Variants in PRPSAP2 observed in about 807,000 individuals in gnomAD.
PRPSAP2 encodes phosphoribosyl pyrophosphate synthetase associated protein 2.
A neutral mutation model predicts 40.6 loss-of-function variants in PRPSAP2; 24 were observed. The observed-to-expected ratio is 0.59, with a 90% CI of 0.43 to 0.83. PRPSAP2 has a LOEUF of 0.83. Among genes scored for constraint, PRPSAP2 ranks in the 40% least tolerant of loss-of-function variants. The probability of loss-of-function intolerance (pLI) is 0.00; values close to 1 mark genes in which losing one functional copy is unlikely to be tolerated. For synonymous variants in PRPSAP2, 149 were observed against 164.7 expected (o/e 0.90, Z 0.73); for missense variants, 292 against 465.6 (o/e 0.63, Z 3.43).
intron 8 of PRPSAP2, among the ~76,000 whole-genome samples, chr17:18,901,306 C>T (rs1262519902): frequency 6.6e-6 from 1 of 152,070 alleles, no homozygotes; most frequent in Non-Finnish European, 1.5e-5. Flanking sequence ...AAGGAATGCC[C>T]AAGGAAGCCA....
chr17:18,876,805 G>A (rs1273475611), intron 5 of PRPSAP2, among the ~76,000 whole-genome samples: 1 of 152,176 alleles, frequency 6.6e-6, no homozygotes, highest in East Asian at 1.9e-4. Flanking sequence ...CAGGTGACTA[G>A]GTGGGGAGAA....
intron 9 of PRPSAP2, 110 bp from the exon 10 acceptor site, chr17:18,923,804 C>T (rs1219948326): frequency 3.0e-6 from 3 of 986,472 alleles, no homozygotes; most frequent in Non-Finnish European, 4.4e-6. Flanking sequence ...AGGAAATTCC[C>T]TTGTATTCCT....
chr17:18,889,482 G>C (rs984890576), intron 7 of PRPSAP2, among the ~76,000 whole-genome samples: 1 of 152,150 alleles, frequency 6.6e-6, no homozygotes, highest in African/African-American at 2.4e-5. Flanking sequence ...CTTGTATTCA[G>C]ATTGAATTGG....
At position 18,911,756 on chromosome 17, in the gene PRPSAP2, A is replaced by G. The variant is rs781745743; in HGVS notation, c.733+505A>G. Among the ~76,000 whole-genome samples the G allele has an allele frequency of 2.0e-5, 3 of 152,264 alleles. No individual in the cohort carries two copies. The highest frequency in any genetic ancestry group is 7.2e-5 in the African/African-American group (3 of 41,468). On this transcript the variant is annotated intron_variant, in intron 9 of 11. Transcript: ENST00000268835. The surrounding 1 kb of genome is among the most constrained non-coding windows in gnomAD (Gnocchi z 4.5). ...ATGGAATATATATGAACAAGGCAGA[A>G]TATAAGATTGTATACCTATTTGTCT...
intron 5 of PRPSAP2, among the ~76,000 whole-genome samples, chr17:18,874,999 T>C (rs2038170384): frequency 6.6e-6 from 1 of 152,200 alleles, no homozygotes; most frequent in African/African-American, 2.4e-5. Flanking sequence ...AATTTAGGAC[T>C]TCAGAAGGGT....
At chr17:18,916,916 A>G (rs2041351468) in intron 9 of PRPSAP2, among the ~76,000 whole-genome samples, 1 of 152,198 alleles carries the variant, frequency 6.6e-6, no homozygotes, top group Admixed American at 6.5e-5. Context: ...CAAAGGCCCC[A>G]CTGTTAATAC....
chr17:18,894,047 A>G (rs1273730236), intron 8 of PRPSAP2, among the ~76,000 whole-genome samples: 1 of 152,004 alleles, frequency 6.6e-6, no homozygotes, highest in Non-Finnish European at 1.5e-5. Flanking sequence ...GGGTTTCACT[A>G]TGTTGGTCAG....
intron 6 of PRPSAP2, 61 bp downstream of exon 6, chr17:18,877,931 C>G: frequency 6.7e-7 from 1 of 1,486,794 alleles, no homozygotes; most frequent in South Asian, 1.3e-5. Flanking sequence ...TATTTATTCT[C>G]TCTTTTTTAA....
At chr17:18,895,192 C>T (rs1375737758) in intron 8 of PRPSAP2, among the ~76,000 whole-genome samples, 5 of 151,186 alleles carry the variant, frequency 3.3e-5, no homozygotes. Context: ...TCATGGCAAT[C>T]CTTTCATTTC....
intron 8 of PRPSAP2, chr17:18,904,227 A>C (rs968721002): frequency 6.6e-6 from 1 of 152,134 alleles, no homozygotes; most frequent in Non-Finnish European, 1.5e-5. Context: ...ATTAAATACC[A>C]TTATGTAGAA....
At chr17:18,900,777 G>A (rs977333734) in intron 8 of PRPSAP2, among the ~76,000 whole-genome samples, 52 of 152,234 alleles carry the variant, frequency 3.4e-4, no homozygotes, top group African/African-American at 1.1e-3. Flanking sequence ...CATGTCCTCC[G>A]CTGACGCCAA....
At chr17:18,900,545 G>A (rs1055542726) in intron 8 of PRPSAP2, among the ~76,000 whole-genome samples, 6 of 152,020 alleles carry the variant, frequency 3.9e-5, no homozygotes, top group Non-Finnish European at 7.4e-5. Context: ...TTAGTGTGGC[G>A]AGTGGCTTCT....
At chr17:18,869,865 T>TGTGTGTGTGTGTGTGTGTGTGA (rs745428673) in intron 4 of PRPSAP2, among the ~76,000 whole-genome samples, 32 of 147,886 alleles carry the variant, frequency 2.2e-4, no homozygotes, top group Non-Finnish European at 3.1e-4. Flanking sequence ...TGTGTGTGTG[T>TGTGTGTGTGTGTGTGTGTGTGA]GAGACAGAGT....
intron 9 of PRPSAP2, among the ~76,000 whole-genome samples, chr17:18,922,668 A>ATTTTTT (rs57263191): frequency 1.7e-4 from 15 of 89,842 alleles, no homozygotes; most frequent in Non-Finnish European, 2.5e-4. Context: ...TATATATATA[A>ATTTTTT]TTTTTTTTTT....
chr17:18,907,210 T>G (rs1567727915), intron 8 of PRPSAP2, among the ~76,000 whole-genome samples: 1 of 152,012 alleles, frequency 6.6e-6, no homozygotes, highest in Non-Finnish European at 1.5e-5. Flanking sequence ...GTGCTGAGGA[T>G]GGAAAAAAGA....
intron 9 of PRPSAP2, among the ~76,000 whole-genome samples, chr17:18,913,541 CTTTTTTTTTTTTTT>C (rs35697920): frequency 1.4e-5 from 1 of 73,952 alleles, no homozygotes; most frequent in African/African-American, 5.6e-5. Context: ...GCGTCTGGTT[CTTTTTTTTTTTTTT>C]TTTTTTTTTT....
chr17:18,885,641 G>A (rs1166103162), intron 7 of PRPSAP2, among the ~76,000 whole-genome samples: 1 of 151,866 alleles, frequency 6.6e-6, no homozygotes, highest in Non-Finnish European at 1.5e-5. Context: ...AGGCTGGAGT[G>A]CAATGGCATG....
At chr17:18,892,745 A>ATTATTTTT (rs1555554153) in intron 8 of PRPSAP2, among the ~76,000 whole-genome samples, 1 of 125,704 alleles carries the variant, frequency 8.0e-6, no homozygotes, top group African/African-American at 3.0e-5. Context: ...TTATTTATTT[A>ATTATTTTT]TTTTTTTGAG....
chr17:18,903,439 G>A (rs1339468696), intron 8 of PRPSAP2, among the ~76,000 whole-genome samples: 1 of 145,318 alleles, frequency 6.9e-6, no homozygotes, highest in Non-Finnish European at 1.5e-5. Context: ...GTGAGTTTAA[G>A]GTATTGTGAG....
Sources: allele counts gnomAD v4.1 joint callset (sites outside exome capture counted in the v4.1 genomes callset), GRCh38; gene constraint gnomAD v4.1.1; non-coding constraint Gnocchi (gnomAD v3.1); transcripts MANE v1.5; gene names NCBI Gene and HGNC (gene_info 2026-07-23, HGNC 2026-07-21).